CROCC: variants seen among roughly 807,000 people sequenced by gnomAD.
CROCC encodes ciliary rootlet coiled-coil, rootletin.
A neutral mutation model predicts 245.2 loss-of-function variants in CROCC; 180 were observed. That is an observed-to-expected ratio of 0.73 (90% CI 0.65 to 0.83). The LOEUF (loss-of-function observed/expected upper bound fraction) is 0.83, where lower values mean the gene tolerates loss of function less well. CROCC is among the 40% of genes least tolerant of loss of function. The probability of loss-of-function intolerance (pLI) is 0.00; values close to 1 mark genes in which losing one functional copy is unlikely to be tolerated. For missense variants in CROCC, 2,688 were observed against 2,779.4 expected (o/e 0.97, Z 0.74); for synonymous variants, 1,205 against 1,241.6 (o/e 0.97, Z 0.62).
chr1:16,968,312 A>G lies in CROCC; in HGVS notation c.4970A>G (p.Gln1657Arg). ...SESRTVKLEL[Q>R]RRSLEGELQR... ...AGCCGCACTGTCAAGCTGGAGCTGCAGCGGCGCTCGCTTGAGGGGGAGCTG... is the reference window on the plus strand; with the variant it reads ...AGCCGCACTGTCAAGCTGGAGCTGCGGCGGCGCTCGCTTGAGGGGGAGCTG... The change falls in exon 31 of 37, where the codon CAG becomes CGG. Residue 1657 changes from glutamine to arginine, a missense_variant. By Grantham distance (43) the Gln-to-Arg change is conservative. Transcript: ENST00000375541. 1 of 1,550,094 alleles carries G rather than the reference A, an allele frequency of 6.5e-7. No individual in the cohort carries two copies. Among genetic ancestry groups the G allele is most frequent in the Non-Finnish European group, 8.7e-7 (1 of 1,147,498 alleles).
intron 2 of CROCC, 62 bp downstream of exon 2, chr1:16,922,860 C>G (rs1455143312): frequency 6.4e-7 from 1 of 1,566,936 alleles, no homozygotes; most frequent in Admixed American, 1.8e-5. Flanking sequence ...TCTCATGTCC[C>G]TTTCCTGAGC....
intron 16 of CROCC, 22 bp from the exon 17 acceptor site, chr1:16,946,739 C>T (rs1570658560): frequency 1.9e-6 from 3 of 1,549,442 alleles, no homozygotes; most frequent in Non-Finnish European, 2.6e-6. Context: ...CTCACGAGGC[C>T]CCACTCCTAC....
rs2076319550 is a variant in CROCC, at chr1:16,960,860, C to G, written c.4135C>G (p.Gln1379Glu). 1 of 1,518,588 alleles carries G rather than the reference C, an allele frequency of 6.6e-7. No individual in the cohort carries two copies. Among genetic ancestry groups the G allele is most frequent in the Admixed American group, 2.0e-5 (1 of 49,316 alleles). 94.1% of individuals were successfully genotyped at this position (1,518,588 alleles called of 1,614,324 possible). ...SLEEARGTEK[Q>E]QLDHARGLEL... ...GGAGGAGGCGCGTGGCACTGAAAAG[C>G]AGCAGCTGGACCACGCCCGCGGCCT... The change falls in exon 27 of 37, where the codon CAG becomes GAG. Residue 1379 changes from glutamine to glutamate, a missense_variant. This residue lies in a region of CROCC where 1,218 missense variants were observed against 1,286.3 expected (regional missense o/e 0.95). Transcript: ENST00000375541.
chr1:16,945,111 T>G (rs904576102), intron 14 of CROCC, among the ~76,000 whole-genome samples: 10 of 152,256 alleles, frequency 6.6e-5, no homozygotes, highest in Admixed American at 1.3e-4. Context: ...TGAGCACCTG[T>G]AATCCCAGCT....
intron 24 of CROCC, 150 bp from the exon 25 acceptor site, chr1:16,955,847 G>A: frequency 9.9e-7 from 1 of 1,006,156 alleles, no homozygotes; most frequent in Non-Finnish European, 1.4e-6. Flanking sequence ...CTGGGCCCCA[G>A]CCCTGCAGGG....
At chr1:16,925,814 C>T (rs1304317919) in intron 3 of CROCC, among the ~76,000 whole-genome samples, 7 of 152,268 alleles carry the variant, frequency 4.6e-5, no homozygotes, top group Non-Finnish European at 1.0e-4. Context: ...TGGCCCCTGG[C>T]ATGAGGACAG....
intron 1 of CROCC, among the ~76,000 whole-genome samples, chr1:16,914,659 C>G (rs569758179): frequency 6.6e-6 from 1 of 152,406 alleles, no homozygotes; most frequent in East Asian, 1.9e-4. Context: ...GGATGCTGTG[C>G]GGGGATGGGG....
At position 16,968,056 on chromosome 1, in the gene CROCC, G is replaced by A. The variant is rs917224872; in HGVS notation, c.4861-147G>A. On this transcript the variant is annotated intron_variant, in intron 30 of 36. Transcript: ENST00000375541. ...CCTGGGAACGCATGGGGAGACCGAG[G>A]ACCCCAGAGGGTCCCAGGCCGGCCC... 4.2e-6 allele frequency: 3 copies of A among 707,620 alleles called. No individual in the cohort carries two copies. In the African/African-American group the frequency reaches 5.4e-5, roughly 13 times the overall value. 43.8% of individuals were successfully genotyped at this position (707,620 alleles called of 1,614,324 possible).
At chr1:16,930,992 T>G (rs2075664121) in intron 7 of CROCC, among the ~76,000 whole-genome samples, 1 of 152,282 alleles carries the variant, frequency 6.6e-6, no homozygotes, top group Non-Finnish European at 1.5e-5. Context: ...TTAAGTAACC[T>G]GCCCACAGTC....
At chr1:16,971,067 C>T (rs1227053771) in intron 35 of CROCC, 7 of 441,496 alleles carry the variant, frequency 1.6e-5, no homozygotes, top group African/African-American at 4.0e-5. Flanking sequence ...CATGGTGTGG[C>T]GTGTCTAGGT....
At chr1:16,958,245 C>T (rs988012644) in intron 25 of CROCC, among the ~76,000 whole-genome samples, 1 of 152,202 alleles carries the variant, frequency 6.6e-6, no homozygotes, top group Non-Finnish European at 1.5e-5. Flanking sequence ...GCTCCAAAAA[C>T]GTTCATCGCC....
In CROCC at chr1:16,947,373, G is replaced by T. The variant is rs555442179; in HGVS notation, c.2514+382G>T. ...AGTCCCAGCTACTTGGGAGGCTGAGGCAGGAGAATCGCTTGAACCCAGGAG... is the reference window on the plus strand; with the variant it reads ...AGTCCCAGCTACTTGGGAGGCTGAGTCAGGAGAATCGCTTGAACCCAGGAG... On this transcript the variant is annotated intron_variant, in intron 17 of 36. Transcript: ENST00000375541. Among the ~76,000 whole-genome samples the T allele has an allele frequency of 3.0e-4, 45 of 152,330 alleles. No individual in the cohort carries two copies. The South Asian group carries it at 9.1e-3, about 31-fold the overall frequency.
At chr1:16,953,217 G>A (rs1302060323) in intron 20 of CROCC, 85 bp from the exon 21 acceptor site, 5 of 1,275,106 alleles carry the variant, frequency 3.9e-6, no homozygotes, top group Non-Finnish European at 5.4e-6. Context: ...ATGGGGGCCA[G>A]ATGGCTCTTG....
chr1:16,920,869 A>G (rs1453095602), upstream of CROCC, among the ~76,000 whole-genome samples: 1 of 151,094 alleles, frequency 6.6e-6, no homozygotes, highest in Non-Finnish European at 1.5e-5. Context: ...TCAGCCTCCC[A>G]AGTAGCTGGG....
chr1:16,946,841 A>G lies in CROCC; in HGVS notation c.2364A>G (p.Glu788=), dbSNP rs749626866. The G allele has an allele frequency of 1.0e-4, 156 of 1,554,410 alleles. No individual in the cohort carries two copies. The highest frequency in any genetic ancestry group is 1.7e-4 in the Middle Eastern group (1 of 6,014). ...CCACAGTGGCGCGGGAAGAGCAGGAACGGCTAGAGGAGCTGCGGTTGGAGC... is the reference window on the plus strand; with the variant it reads ...CCACAGTGGCGCGGGAAGAGCAGGAGCGGCTAGAGGAGCTGCGGTTGGAGC... The part of the protein sequence containing the change: ...QEATVAREEQ[E]RLEELRLEQE... Residue 788 remains glutamate (E), a synonymous_variant, in exon 17 of 37, where the codon GAA becomes GAG. Coordinates refer to ENST00000375541, the MANE Select transcript of CROCC (RefSeq NM_014675.5).
intron 12 of CROCC, among the ~76,000 whole-genome samples, chr1:16,939,437 C>A (rs1289685950): frequency 1.3e-5 from 2 of 152,174 alleles, no homozygotes; most frequent in African/African-American, 4.8e-5. Flanking sequence ...GTGTTAGGGT[C>A]CTGGTAGAGA....
chr1:16,967,703 G>C (rs1378453186), intron 30 of CROCC, among the ~76,000 whole-genome samples: 1 of 152,106 alleles, frequency 6.6e-6, no homozygotes, highest in Admixed American at 6.5e-5. Flanking sequence ...CACTCCCCAG[G>C]CCTTTTTCAC....
Position 16,924,324 on chromosome 1 carries a change from G to T in CROCC, c.197-1G>T. The T allele has an allele frequency of 6.2e-7, 1 of 1,611,780 alleles. No homozygotes were observed. On this transcript the variant is annotated splice_acceptor_variant, in intron 2 of 36. Coordinates refer to ENST00000375541, the MANE Select transcript of CROCC (RefSeq NM_014675.5). LOFTEE classifies it high-confidence loss of function. ...ACCATGTGCCCACTGTCCCTTGCCAGTCCTGCTGCCGGCCACAGAGATGGC... is the reference window on the plus strand; with the variant it reads ...ACCATGTGCCCACTGTCCCTTGCCATTCCTGCTGCCGGCCACAGAGATGGC...
intron 3 of CROCC, among the ~76,000 whole-genome samples, chr1:16,926,371 C>G (rs376801779): frequency 7.2e-5 from 11 of 152,374 alleles, no homozygotes; most frequent in African/African-American, 2.4e-4. Context: ...TGGGATGAGA[C>G]CCTTGGTCCA....
Sources: allele counts gnomAD v4.1 joint callset (sites outside exome capture counted in the v4.1 genomes callset), GRCh38; gene constraint gnomAD v4.1.1; regional missense constraint gnomAD v4.1.1; transcripts MANE v1.5; gene names NCBI Gene and HGNC (gene_info 2026-07-23, HGNC 2026-07-21).